The following CMIP variants were observed in gnomAD, a reference collection of about 807,000 sequenced individuals.
The protein encoded by CMIP is C-Maf-inducing protein.
A neutral mutation model predicts 97.3 loss-of-function variants in CMIP; 13 were observed. That is an observed-to-expected ratio of 0.13 (90% CI 0.09 to 0.21). The LOEUF (loss-of-function observed/expected upper bound fraction) is 0.21. Ranked by LOEUF, CMIP falls within the 10% of genes least tolerant of loss-of-function variation. CMIP has a pLI of 1.00. For synonymous variants in CMIP, 538 were observed against 436.3 expected, an observed-to-expected ratio of 1.23 and a Z score of -2.91; for missense variants, 847 against 1,024.9, an observed-to-expected ratio of 0.83 and a Z score of 2.37.
chr16:81,469,265 C>T (rs1907384987), intron 1 of CMIP, among the ~76,000 whole-genome samples: 2 of 152,230 alleles, frequency 1.3e-5, no homozygotes, highest in Admixed American at 1.3e-4. Flanking sequence ...CTGGGATCAG[C>T]CCAGGCCAGT....
At chr16:81,565,355 C>T (rs1234049673) in intron 1 of CMIP, among the ~76,000 whole-genome samples, 2 of 152,184 alleles carry the variant, frequency 1.3e-5, no homozygotes, top group Non-Finnish European at 2.9e-5. Flanking sequence ...AGCCCAACTC[C>T]AGGAGTTGTT....
chr16:81,512,179 G>A (rs2089825181), intron 1 of CMIP, among the ~76,000 whole-genome samples: 1 of 152,130 alleles, frequency 6.6e-6, no homozygotes, highest in Admixed American at 6.6e-5. Context: ...TATTTCTATT[G>A]GAGAGCACTG....
At chr16:81,557,961 C>T (rs1311633937) in intron 1 of CMIP, among the ~76,000 whole-genome samples, 5 of 152,172 alleles carry the variant, frequency 3.3e-5, no homozygotes, top group Non-Finnish European at 2.9e-5. Flanking sequence ...TTCCCCTCCC[C>T]GAGCCCCTGA....
chr16:81,651,359 C>T, intron 3 of CMIP: 1 of 940,036 alleles, frequency 1.1e-6, no homozygotes, highest in Non-Finnish European at 1.3e-6. Flanking sequence ...CTAACTCTGC[C>T]TCAAATCCAG....
rs1905734731 is a variant in CMIP, at chr16:81,444,993, G to T, written c.-249G>T. 7.2e-6 allele frequency among the ~76,000 whole-genome samples: 1 copy of T among 139,676 alleles called. No homozygotes were observed. Among genetic ancestry groups the T allele is most frequent in the Non-Finnish European group, 1.6e-5 (1 of 63,798 alleles). 91.6% of individuals were successfully genotyped at this position (139,676 alleles called of 152,430 possible). On this transcript the variant is annotated 5_prime_UTR_variant, in exon 1 of 21. Transcript: ENST00000537098. ...CGCCCGCCGAGCCCGGTCAGCCGCCGCGAGCATGCACCCGACGAGCTAGGA... is the reference window on the plus strand; with the variant it reads ...CGCCCGCCGAGCCCGGTCAGCCGCCTCGAGCATGCACCCGACGAGCTAGGA...
intron 1 of CMIP, among the ~76,000 whole-genome samples, chr16:81,506,688 G>A (rs1301325326): frequency 6.6e-6 from 1 of 152,246 alleles, no homozygotes; most frequent in Non-Finnish European, 1.5e-5. Context: ...GCCAAGGCGG[G>A]CGGATCACGA....
In CMIP at chr16:81,557,934, T is replaced by G. The variant is rs1172994558; in HGVS notation, c.301-49633T>G. ...TATCAGACAGAGACTCTGTCCCTGT[T>G]AAACACTAACTCCCCATTCCCCTCC... On this transcript the variant is annotated intron_variant, in intron 1 of 20. Transcript: ENST00000537098. Among the ~76,000 whole-genome samples the G allele has an allele frequency of 2.0e-5, 3 of 152,286 alleles. No homozygotes were observed. In the East Asian group the frequency reaches 5.8e-4, roughly 29 times the overall value.
intron 1 of CMIP, among the ~76,000 whole-genome samples, chr16:81,560,989 C>G (rs988907093): frequency 6.6e-6 from 1 of 152,186 alleles, no homozygotes; most frequent in South Asian, 2.1e-4. Flanking sequence ...GAGACAGTCT[C>G]CGTCACCCAG....
At chr16:81,457,562 A>G (rs1206177298) in intron 1 of CMIP, among the ~76,000 whole-genome samples, 1 of 152,204 alleles carries the variant, frequency 6.6e-6, no homozygotes, top group South Asian at 2.1e-4. Flanking sequence ...CCACAGTTGT[A>G]ACAACCCGTG....
At chr16:81,598,189 A>C (rs984103637) in intron 1 of CMIP, among the ~76,000 whole-genome samples, 1 of 152,104 alleles carries the variant, frequency 6.6e-6, no homozygotes, top group African/African-American at 2.4e-5. Context: ...TATCGCCTAC[A>C]ACAGAGCTGA....
intron 1 of CMIP, among the ~76,000 whole-genome samples, chr16:81,473,128 C>T (rs1277700974): frequency 6.6e-6 from 1 of 152,264 alleles, no homozygotes; most frequent in African/African-American, 2.4e-5. Flanking sequence ...CCTGCCCGGC[C>T]TCCTCTGAGG....
chr16:81,649,113 A>G (rs951162838), intron 3 of CMIP, among the ~76,000 whole-genome samples: 1 of 152,146 alleles, frequency 6.6e-6, no homozygotes, highest in African/African-American at 2.4e-5. Flanking sequence ...AACTCATGGG[A>G]TACTGTGAGG....
intron 1 of CMIP, among the ~76,000 whole-genome samples, chr16:81,509,467 A>T (rs1238739574): frequency 1.3e-5 from 2 of 152,150 alleles, no homozygotes; most frequent in Non-Finnish European, 2.9e-5. Context: ...TCCTGCGTGC[A>T]CTGCCTCTGG....
chr16:81,488,650 G>C (rs2089358217), intron 1 of CMIP, among the ~76,000 whole-genome samples: 1 of 151,990 alleles, frequency 6.6e-6, no homozygotes, highest in Non-Finnish European at 1.5e-5. Flanking sequence ...GGCACTCCTG[G>C]GCAGTCATCA....
chr16:81,669,798 A>AT (rs1228826368), intron 7 of CMIP, among the ~76,000 whole-genome samples: 19 of 151,854 alleles, frequency 1.3e-4, no homozygotes, highest in Admixed American at 1.3e-4. Flanking sequence ...CACACTCCAC[A>AT]TTCCCCTCGG....
chr16:81,612,416 T>A (rs2091846932), intron 2 of CMIP, among the ~76,000 whole-genome samples: 1 of 152,118 alleles, frequency 6.6e-6, no homozygotes, highest in Non-Finnish European at 1.5e-5. Context: ...CCCCAAACAT[T>A]GGCAGCAGGG....
At chr16:81,697,512 A>G (rs973080289) in intron 14 of CMIP, 1 of 152,284 alleles carries the variant, frequency 6.6e-6, no homozygotes, top group African/African-American at 2.4e-5. Context: ...TTCCAGTCGC[A>G]GCTCTGCTGG....
At chr16:81,657,226 G>C (rs1450809656) in intron 4 of CMIP, among the ~76,000 whole-genome samples, 1 of 152,158 alleles carries the variant, frequency 6.6e-6, no homozygotes, top group East Asian at 1.9e-4. Flanking sequence ...CAAGTCAGTT[G>C]CTAGAATTTG....
chr16:81,541,927 A>G lies in CMIP; in HGVS notation c.301-65640A>G, dbSNP rs532477323. 2.6e-5 allele frequency among the ~76,000 whole-genome samples: 4 copies of G among 152,212 alleles called. No homozygotes were observed. The East Asian group carries it at 5.8e-4, about 22-fold the overall frequency. On this transcript the variant is annotated intron_variant, in intron 1 of 20. Coordinates refer to ENST00000537098, the MANE Select transcript of CMIP (RefSeq NM_198390.3). The stretch of plus-strand genomic sequence containing the variant: ...TACTTTTAGCAAAAACGAAATGTCT[A>G]TTTCATGTTTTAATTTTCTCCTTTA...
Sources: gnomAD v4.1 joint callset for allele counts (sites outside exome capture counted in the v4.1 genomes callset) on GRCh38, gnomAD v4.1.1 for gene constraint, MANE v1.5 for transcripts, NCBI Gene and HGNC (gene_info 2026-07-23, HGNC 2026-07-21) for gene names.